The following SMPX variants were observed in gnomAD, a reference collection of about 807,000 sequenced individuals.
The protein encoded by SMPX is small muscle protein X-linked, also known as small muscular protein.
SMPX carries 2 observed loss-of-function variants against 6.3 expected under a neutral mutation model. That is an observed-to-expected ratio of 0.32 (90% confidence interval 0.13 to 0.99). SMPX has a LOEUF of 0.99. Among genes scored for constraint, SMPX ranks in the 50% least tolerant of loss-of-function variants. SMPX has a pLI of 0.49. For missense variants in SMPX, 60 were observed against 66.8 expected (o/e 0.90, Z 0.36); for synonymous variants, 32 against 24.7 (o/e 1.30, Z -0.88).
At chrX:21,751,436 G>A (rs2092827328) in intron 2 of SMPX, among the ~76,000 whole-genome samples, 1 of 112,363 alleles carries the variant, frequency 8.9e-6, no homozygotes, top group African/African-American at 3.2e-5. Flanking sequence ...ACTGAGCTGA[G>A]TATTGTCACG....
At chrX:21,746,861 C>T (rs1260960620) in intron 2 of SMPX, among the ~76,000 whole-genome samples, 2 of 110,895 alleles carry the variant, frequency 1.8e-5, no homozygotes, top group Non-Finnish European at 3.8e-5. Context: ...AAGTCATAGG[C>T]TAAATTATAG....
chrX:21,758,049 G>T lies in SMPX; in HGVS notation c.-120C>A, dbSNP rs776942828. 39 of 327,781 alleles carry T rather than the reference G, an allele frequency of 1.2e-4. No homozygotes were observed. Among genetic ancestry groups the T allele is most frequent in the African/African-American group, 9.6e-4 (36 of 37,661 alleles). The allele number at this position is 327,781 out of a possible 1,213,427, so 27.0% of individuals were successfully genotyped here. ...GGGCGCCCGGTGTCCTCTGAGCTGC[G>T]ATCTCAATTCCGATGCTTTTCATGT... is the stretch of plus-strand genomic sequence containing the variant. On this transcript the variant is annotated 5_prime_UTR_variant, in exon 1 of 5. Coordinates refer to ENST00000379494, the MANE Select transcript of SMPX (RefSeq NM_014332.3).
chrX:21,712,686 A>G (rs1286502660), intron 4 of SMPX, among the ~76,000 whole-genome samples: 1 of 111,754 alleles, frequency 8.9e-6, no homozygotes, highest in African/African-American at 3.3e-5. Flanking sequence ...AGAAATATTG[A>G]CCCAAGATTT....
chrX:21,753,656 GTTA>G (rs914128186), intron 2 of SMPX, among the ~76,000 whole-genome samples: 2 of 112,217 alleles, frequency 1.8e-5, no homozygotes, highest in Non-Finnish European at 3.8e-5. Context: ...AATACTGCAA[GTTA>G]TTTTCATAAT....
intron 4 of SMPX, among the ~76,000 whole-genome samples, chrX:21,707,591 G>T (rs961399274): frequency 8.9e-6 from 1 of 112,399 alleles, no homozygotes; most frequent in Non-Finnish European, 1.9e-5. Context: ...CACTGTGGGT[G>T]GGGTATAATT....
intron 2 of SMPX, among the ~76,000 whole-genome samples, chrX:21,750,276 T>C (rs890059796): frequency 2.7e-5 from 3 of 111,963 alleles, no homozygotes; most frequent in African/African-American, 9.7e-5. Context: ...GTTACCTTCA[T>C]TGCAGCTCAA....
chrX:21,722,224 G>A (rs180816780), intron 4 of SMPX, among the ~76,000 whole-genome samples: 3 of 111,977 alleles, frequency 2.7e-5, no homozygotes, highest in Non-Finnish European at 5.6e-5. Flanking sequence ...TGGTCCTGTC[G>A]TTTCTTGGAC....
At chrX:21,740,996 C>T (rs1471471919) in intron 3 of SMPX, among the ~76,000 whole-genome samples, 4 of 112,466 alleles carry the variant, frequency 3.6e-5, no homozygotes, top group Non-Finnish European at 5.6e-5. Context: ...TGTTTATTAA[C>T]ATTTGGCTGT....
In SMPX at chrX:21,743,794, C is replaced by T; in HGVS notation, c.88G>A (p.Gly30Ser). 8.3e-7 allele frequency: 1 copy of T among 1,209,778 alleles called. No homozygotes were observed. Among genetic ancestry groups the T allele is most frequent in the Non-Finnish European group, 1.1e-6 (1 of 893,940 alleles). ...CATTCTTTTCTTCTGGGGGGTTGACCTGCTCCTGGCCGAAAGGCTCCCATT... is the reference window on the plus strand; with the variant it reads ...CATTCTTTTCTTCTGGGGGGTTGACTTGCTCCTGGCCGAAAGGCTCCCATT... The part of the protein sequence containing the change: ...IPMGAFRPGA[G>S]QPPRRKECTP... Residue 30 changes from glycine (G) to serine (S), a missense_variant, in exon 3 of 5, where the codon GGT becomes AGT. Coordinates refer to ENST00000379494, the MANE Select transcript of SMPX (RefSeq NM_014332.3).
Position 21,724,412 on chromosome X carries a change from C to T in SMPX, c.*14+13137G>A, listed in dbSNP as rs748882215. Among the ~76,000 whole-genome samples the T allele has an allele frequency of 2.1e-3, 240 of 112,499 alleles. 2 individuals are homozygous for T. Among genetic ancestry groups the T allele is most frequent in the Non-Finnish European group, 3.9e-3 (207 of 53,277 alleles). On this transcript the variant is annotated intron_variant, in intron 4 of 4. Coordinates refer to ENST00000379494, the MANE Select transcript of SMPX (RefSeq NM_014332.3). ...TATGTTTGTATGTGTATAAAGATTA[C>T]AGTACGACTTTTTAAAATTAAACAA...
chrX:21,749,063 A>G (rs1439120845), intron 2 of SMPX, among the ~76,000 whole-genome samples: 1 of 112,212 alleles, frequency 8.9e-6, no homozygotes, highest in African/African-American at 3.2e-5. Context: ...AAGAACAATG[A>G]CAACTAGTGG....
At chrX:21,743,866 CA>C in intron 2 of SMPX, 30 bp from the exon 3 acceptor site, 4 of 1,066,713 alleles carry the variant, frequency 3.7e-6, no homozygotes, top group East Asian at 3.0e-5. Context: ...AGGTTTAGCT[CA>C]AAAAAAGTAA....
intron 3 of SMPX, among the ~76,000 whole-genome samples, chrX:21,738,201 G>A (rs1341499990): frequency 8.9e-6 from 1 of 111,973 alleles, no homozygotes. Flanking sequence ...GCTTTGGGAA[G>A]TATTTTAAAT....
chrX:21,717,871 CA>C (rs1178361264), intron 4 of SMPX, among the ~76,000 whole-genome samples: 4 of 111,976 alleles, frequency 3.6e-5, no homozygotes, highest in African/African-American at 1.3e-4. Context: ...GAACAAAGAT[CA>C]AAAAATAATA....
chrX:21,734,757 A>G (rs1379345950), intron 4 of SMPX, among the ~76,000 whole-genome samples: 3 of 111,213 alleles, frequency 2.7e-5, no homozygotes, highest in East Asian at 2.8e-4. Context: ...CTGGTGCCCA[A>G]CGGGGTAGTC....
intron 4 of SMPX, among the ~76,000 whole-genome samples, chrX:21,711,262 G>C (rs1410423885): frequency 9.0e-6 from 1 of 111,652 alleles, no homozygotes; most frequent in Non-Finnish European, 1.9e-5. Flanking sequence ...GGGATCCAGA[G>C]CTAAAATTGC....
intron 3 of SMPX, 62 bp downstream of exon 3, chrX:21,743,688 C>A (rs1345873912): frequency 3.0e-6 from 3 of 1,003,880 alleles, no homozygotes; most frequent in East Asian, 3.1e-5. Context: ...CCTCTGCCCC[C>A]TCTGGTGAGG....
At position 21,754,406 on chromosome X, in the gene SMPX, A is replaced by C. The variant is rs1465721569; in HGVS notation, c.-12-104T>G. On this transcript the variant is annotated intron_variant, in intron 1 of 4. Coordinates refer to ENST00000379494, the MANE Select transcript of SMPX (RefSeq NM_014332.3). ...ATTCAACTGGGCAGTCACCCCTTTCACTGGCCATATATTCTTTCAGTCTCA... is the reference window on the plus strand; with the variant it reads ...ATTCAACTGGGCAGTCACCCCTTTCCCTGGCCATATATTCTTTCAGTCTCA... 8 of 640,388 alleles carry C rather than the reference A, an allele frequency of 1.2e-5. No individual in the cohort carries two copies. The East Asian group carries it at 2.6e-4, about 21-fold the overall frequency. 52.8% of individuals were successfully genotyped at this position (640,388 alleles called of 1,213,427 possible).
At chrX:21,729,618 G>C in intron 4 of SMPX, among the ~76,000 whole-genome samples, 1 of 111,569 alleles carries the variant, frequency 9.0e-6, no homozygotes, top group East Asian at 2.8e-4. Flanking sequence ...TTGGCCCATG[G>C]AGATGTGTGT....
Sources: gnomAD v4.1 joint callset for allele counts (sites outside exome capture counted in the v4.1 genomes callset) on GRCh38, gnomAD v4.1.1 for gene constraint, MANE v1.5 for transcripts, NCBI Gene and HGNC (gene_info 2026-07-23, HGNC 2026-07-21) for gene names.